The following DMD variants were observed in gnomAD, a reference collection of about 807,000 sequenced individuals.
DMD encodes the protein dystrophin, also known as mutant dystrophin.
Under a neutral mutation model 330.1 loss-of-function variants are expected in DMD, and 63 were observed. The observed-to-expected ratio is 0.19, with a 90% CI of 0.16 to 0.24. DMD has a LOEUF of 0.24. Among genes scored for constraint, DMD ranks in the 10% least tolerant of loss-of-function variants. DMD has a pLI of 1.00. For missense variants in DMD, 3,344 were observed against 2,684.1 expected (o/e 1.25, Z -5.43); for synonymous variants, 1,223 against 959.8 (o/e 1.27, Z -5.07).
In DMD at chrX:33,067,197, A is replaced by G. The variant is rs146224242; in HGVS notation, c.32-46997T>C. On this transcript the variant is annotated intron_variant, in intron 1 of 78. Coordinates refer to ENST00000357033, the MANE Select transcript of DMD (RefSeq NM_004006.3). ...CCTACAAGTGCGTGGTTCTGAACAG[A>G]AGCAAATTTGAAGTATTAATAACAA... is the stretch of plus-strand genomic sequence containing the variant. 3.5e-3 allele frequency among the ~76,000 whole-genome samples: 393 copies of G among 112,331 alleles called. 2 individuals are homozygous for G. The highest frequency in any genetic ancestry group is 0.012 in the African/African-American group (371 of 30,932).
chrX:31,726,509 C>T (rs941477463), intron 52 of DMD, among the ~76,000 whole-genome samples: 5 of 112,231 alleles, frequency 4.5e-5, no homozygotes, highest in African/African-American at 6.5e-5. Context: ...CCAAAATCAT[C>T]AAATGAGAAA....
intron 60 of DMD, among the ~76,000 whole-genome samples, chrX:31,352,053 G>T (rs368956968): frequency 9.0e-6 from 1 of 111,096 alleles, no homozygotes; most frequent in Non-Finnish European, 1.9e-5. Context: ...TTGAAAAAAA[G>T]TATTTTATAA....
chrX:32,761,785 T>A (rs2072329517), intron 7 of DMD, among the ~76,000 whole-genome samples: 1 of 97,057 alleles, frequency 1.0e-5, no homozygotes, highest in African/African-American at 3.8e-5. Context: ...ACAAAACATA[T>A]CTCTGGGTTC....
intron 76 of DMD, among the ~76,000 whole-genome samples, chrX:31,145,109 T>C (rs760691180): frequency 4.5e-5 from 5 of 112,174 alleles, no homozygotes; most frequent in South Asian, 3.7e-4. Flanking sequence ...TGTTTCAAAA[T>C]TGTCTTCACT....
At chrX:31,517,337 C>A (rs1377337031) in intron 55 of DMD, among the ~76,000 whole-genome samples, 2 of 111,101 alleles carry the variant, frequency 1.8e-5, no homozygotes, top group Non-Finnish European at 3.8e-5. Flanking sequence ...TGACTCCAAT[C>A]CTGCTAGCAG....
At position 31,366,499 on chromosome X, in the gene DMD, T is replaced by TAAA. The variant is rs1198673918; in HGVS notation, c.9085-17868_9085-17866dup. 2.1e-3 allele frequency among the ~76,000 whole-genome samples: 75 copies of TAAA among 36,491 alleles called. 2 individuals are homozygous for TAAA. Among genetic ancestry groups the TAAA allele is most frequent in the African/African-American group, 8.0e-3 (73 of 9,174 alleles). 31.7% of individuals were successfully genotyped at this position (36,491 alleles called of 115,157 possible). A position where few individuals can be genotyped will look rare whatever the true frequency, so the allele number is the denominator to read the frequency against. ...AAAAAAAAAAAAAAAAAAAAAAACA[T>TAAA]AAAAAAAAAAATAAATAAATAAAAA... On this transcript the variant is annotated intron_variant, in intron 60 of 78. Coordinates refer to ENST00000357033, the MANE Select transcript of DMD (RefSeq NM_004006.3).
intron 59 of DMD, among the ~76,000 whole-genome samples, chrX:31,466,344 T>C (rs1321228776): frequency 1.8e-5 from 2 of 112,115 alleles, no homozygotes; most frequent in Non-Finnish European, 1.9e-5. Context: ...AATTTTTGTA[T>C]AAGGTGTAAG....
At chrX:32,542,213 G>A (rs760675019) in intron 17 of DMD, among the ~76,000 whole-genome samples, 206 of 111,455 alleles carry the variant, frequency 1.8e-3, no homozygotes, top group Non-Finnish European at 3.5e-3. Context: ...GGTGGATCAC[G>A]AGGTCAGGAG....
At chrX:32,418,171 C>T (rs766913079) in intron 29 of DMD, among the ~76,000 whole-genome samples, 114 of 111,361 alleles carry the variant, frequency 1.0e-3, no homozygotes, top group African/African-American at 3.6e-3. Flanking sequence ...ATTCATGGCG[C>T]CATCTACCTG....
intron 30 of DMD, among the ~76,000 whole-genome samples, chrX:32,398,849 C>T (rs1569561074): frequency 9.0e-6 from 1 of 111,467 alleles, no homozygotes; most frequent in Non-Finnish European, 1.9e-5. Flanking sequence ...TTATACTACA[C>T]AGCTATAGTA....
At chrX:31,936,472 A>G (rs865852342) in intron 45 of DMD, among the ~76,000 whole-genome samples, 2 of 111,723 alleles carry the variant, frequency 1.8e-5, no homozygotes, top group Non-Finnish European at 3.8e-5. Context: ...GAAAGTTGAA[A>G]ATGTTGTATG....
intron 62 of DMD, among the ~76,000 whole-genome samples, chrX:31,291,597 T>C (rs2053701327): frequency 9.0e-6 from 1 of 111,638 alleles, no homozygotes; most frequent in African/African-American, 3.3e-5. Flanking sequence ...AAAGAAGAAA[T>C]AGAAAATTGG....
intron 44 of DMD, among the ~76,000 whole-genome samples, chrX:32,012,351 G>A (rs1333593343): frequency 1.8e-5 from 2 of 111,921 alleles, no homozygotes; most frequent in African/African-American, 6.5e-5. Flanking sequence ...TGGATTCAAG[G>A]CAACAGTAGA....
chrX:33,217,380 A>G (rs906692648), intron 1 of DMD, among the ~76,000 whole-genome samples: 3 of 111,883 alleles, frequency 2.7e-5, no homozygotes, highest in Non-Finnish European at 3.8e-5. Context: ...AAGAATTGAT[A>G]TATTTACTAT....
At chrX:32,817,426 T>G (rs995755912) in intron 5 of DMD, among the ~76,000 whole-genome samples, 1 of 112,472 alleles carries the variant, frequency 8.9e-6, no homozygotes, top group Non-Finnish European at 1.9e-5. Context: ...TCAAGTTTAA[T>G]TCTTCTGAGT....
At chrX:32,792,064 CAG>C (rs1429386931) in intron 7 of DMD, among the ~76,000 whole-genome samples, 1 of 111,468 alleles carries the variant, frequency 9.0e-6, no homozygotes, top group Non-Finnish European at 1.9e-5. Flanking sequence ...CCTTACAGGC[CAG>C]AGAAGAATGA....
At chrX:32,054,114 AG>A (rs2096142439) in intron 44 of DMD, among the ~76,000 whole-genome samples, 1 of 105,934 alleles carries the variant, frequency 9.4e-6, no homozygotes, top group Non-Finnish European at 2.0e-5. Context: ...AGAGAGAGAG[AG>A]AGAGAGAGAG....
intron 44 of DMD, among the ~76,000 whole-genome samples, chrX:32,122,860 T>C (rs1167066579): frequency 9.0e-6 from 1 of 111,153 alleles, no homozygotes; most frequent in Non-Finnish European, 1.9e-5. Context: ...ATAAGGACTT[T>C]TCTTCTCACA....
intron 44 of DMD, chrX:32,205,925 GCC>G: frequency 2.7e-6 from 1 of 369,462 alleles, no homozygotes; most frequent in Non-Finnish European, 5.0e-6. Flanking sequence ...GTCCTCTGAG[GCC>G]CCAAAACTAT....
Sources: allele counts gnomAD v4.1 joint callset (sites outside exome capture counted in the v4.1 genomes callset), GRCh38; gene constraint gnomAD v4.1.1; transcripts MANE v1.5; gene names NCBI Gene and HGNC (gene_info 2026-07-23, HGNC 2026-07-21).